The following COA1 variants were observed in gnomAD, a reference collection of about 807,000 sequenced individuals.
COA1 encodes the protein cytochrome c oxidase assembly factor 1 homolog.
Under a neutral mutation model 16.0 loss-of-function variants are expected in COA1, and 13 were observed. The ratio of observed to expected loss-of-function variants is 0.81; its 90% CI spans 0.53 to 1.29. COA1 has a LOEUF of 1.29. Ranked by LOEUF, COA1 falls within the 50% of genes most tolerant of loss-of-function variation. The probability of loss-of-function intolerance (pLI) is 0.00; values close to 1 mark genes in which losing one functional copy is unlikely to be tolerated. For missense variants in COA1, 179 were observed against 177.0 expected, an observed-to-expected ratio of 1.01 and a Z score of -0.06; for synonymous variants, 65 against 65.7, an observed-to-expected ratio of 0.99 and a Z score of 0.05.
At chr7:43,726,346 T>C (rs1197083202) in intron 1 of COA1, among the ~76,000 whole-genome samples, 1 of 152,158 alleles carries the variant, frequency 6.6e-6, no homozygotes, top group Non-Finnish European at 1.5e-5. Flanking sequence ...ATAACTCCTA[T>C]AATTAAAGAA....
intron 1 of COA1, chr7:43,711,396 T>C (rs1314003379): frequency 6.6e-6 from 1 of 151,696 alleles, no homozygotes; most frequent in Non-Finnish European, 1.5e-5. Flanking sequence ...AGAGTAAGAC[T>C]TACAATGCAG....
At chr7:43,695,451 C>T (rs980375365) in intron 1 of COA1, among the ~76,000 whole-genome samples, 22 of 146,834 alleles carry the variant, frequency 1.5e-4, no homozygotes, top group Admixed American at 2.7e-4. Context: ...ATGGCACATG[C>T]TCTCTTCTCT....
intron 1 of COA1, among the ~76,000 whole-genome samples, chr7:43,712,044 A>ATAT (rs903204518): frequency 4.6e-5 from 7 of 151,944 alleles, no homozygotes; most frequent in African/African-American, 1.7e-4. Context: ...CGAGGTAGCT[A>ATAT]TTATCCTGAT....
At chr7:43,617,807 G>A (rs762077839) in intron 6 of COA1, among the ~76,000 whole-genome samples, 7 of 152,140 alleles carry the variant, frequency 4.6e-5, no homozygotes, top group Non-Finnish European at 8.8e-5. Context: ...TCAAGATCAA[G>A]CCTTGAGAAA....
chr7:43,705,533 G>A (rs749142511), intron 1 of COA1, among the ~76,000 whole-genome samples: 4 of 152,306 alleles, frequency 2.6e-5, no homozygotes, highest in Admixed American at 6.5e-5. Context: ...GGCCAGCAAC[G>A]GGCAGTTGGG....
chr7:43,659,958 C>T (rs1443579881), intron 1 of COA1, among the ~76,000 whole-genome samples: 1 of 152,180 alleles, frequency 6.6e-6, no homozygotes, highest in African/African-American at 2.4e-5. Context: ...GACATACACA[C>T]ATACAGAGAA....
chr7:43,627,383 A>G (rs1021048801), intron 6 of COA1, among the ~76,000 whole-genome samples: 1 of 152,242 alleles, frequency 6.6e-6, no homozygotes, highest in Non-Finnish European at 1.5e-5. Flanking sequence ...AAGATCACTT[A>G]GAGAATGTGA....
At chr7:43,647,904 G>C (rs1360784578) in intron 2 of COA1, 2 of 425,762 alleles carry the variant, frequency 4.7e-6, no homozygotes, top group African/African-American at 4.0e-5. Flanking sequence ...CACAGAGCGA[G>C]CATTCAGCCC....
intron 1 of COA1, among the ~76,000 whole-genome samples, chr7:43,695,479 A>G (rs975205636): frequency 6.6e-6 from 1 of 151,974 alleles, no homozygotes; most frequent in Non-Finnish European, 1.5e-5. Context: ...TATCCACAGC[A>G]TTTATTACCA....
intron 5 of COA1, among the ~76,000 whole-genome samples, chr7:43,640,164 G>GC (rs2086689577): frequency 6.6e-6 from 1 of 152,242 alleles, no homozygotes. Flanking sequence ...TTGGCAACCA[G>GC]ACAAGCAAAG....
At chr7:43,714,037 G>A (rs1310867542) in intron 1 of COA1, among the ~76,000 whole-genome samples, 1 of 150,754 alleles carries the variant, frequency 6.6e-6, no homozygotes, top group Non-Finnish European at 1.5e-5. Context: ...ACAGATGGCA[G>A]GAAAAAAAAA....
chr7:43,629,495 G>T (rs1046024333), intron 6 of COA1, among the ~76,000 whole-genome samples: 2 of 152,116 alleles, frequency 1.3e-5, no homozygotes, highest in African/African-American at 4.8e-5. Flanking sequence ...CTGTATCCCT[G>T]TGTATTTCAT....
At chr7:43,683,582 C>G (rs1473655257) in intron 1 of COA1, among the ~76,000 whole-genome samples, 1 of 151,876 alleles carries the variant, frequency 6.6e-6, no homozygotes, top group African/African-American at 2.4e-5. Context: ...TGCAGTGAGT[C>G]AAGATTGCGC....
intron 1 of COA1, among the ~76,000 whole-genome samples, chr7:43,696,042 C>T (rs375974782): frequency 1.2e-4 from 18 of 152,150 alleles, no homozygotes; most frequent in African/African-American, 3.4e-4. Context: ...CTCACAATCA[C>T]GGCGGAAGAC....
rs372714157 is a variant in COA1 at position 43,709,167 on chromosome 7, G to A, written c.-39+20262C>T. Among the ~76,000 whole-genome samples the A allele has an allele frequency of 1.8e-4, 27 of 151,906 alleles. 1 individual carries two copies. Among genetic ancestry groups the A allele is most frequent in the East Asian group, 1.2e-3 (6 of 5,174 alleles). On this transcript the variant is annotated intron_variant, in intron 1 of 5. Transcript: ENST00000223336. ...GCCTACCGAGTAGCTGGGACTACAG[G>A]CGCCTGCCACCACACCTGGCTAATT...
chr7:43,669,104 C>A (rs1244227199), intron 1 of COA1, among the ~76,000 whole-genome samples: 2 of 152,106 alleles, frequency 1.3e-5, no homozygotes, highest in Non-Finnish European at 2.9e-5. Context: ...CAGGAGAAGC[C>A]CTAGCTGCTG....
chr7:43,621,214 T>C (rs1426259289), intron 6 of COA1, among the ~76,000 whole-genome samples: 1 of 152,230 alleles, frequency 6.6e-6, no homozygotes, highest in Admixed American at 6.5e-5. Context: ...GAAACAACCT[T>C]TAAAATTTTT....
At chr7:43,620,371 G>A (rs2083755044) in intron 6 of COA1, among the ~76,000 whole-genome samples, 1 of 152,184 alleles carries the variant, frequency 6.6e-6, no homozygotes, top group Admixed American at 6.5e-5. Flanking sequence ...GTTGTGACCA[G>A]AGATTAGATT....
At chr7:43,616,779 C>T (rs2083391079) in intron 6 of COA1, among the ~76,000 whole-genome samples, 1 of 146,572 alleles carries the variant, frequency 6.8e-6, no homozygotes, top group Non-Finnish European at 1.5e-5. Flanking sequence ...CTCCTGTAGT[C>T]CCAGCTACTC....
Sources: allele counts gnomAD v4.1 joint callset (sites outside exome capture counted in the v4.1 genomes callset), GRCh38; gene constraint gnomAD v4.1.1; transcripts MANE v1.5; gene names NCBI Gene and HGNC (gene_info 2026-07-23, HGNC 2026-07-21).